Variants in MAN2A1 observed in about 807,000 individuals in gnomAD.
MAN2A1 encodes alpha-mannosidase 2.
Under a neutral mutation model 142.6 loss-of-function variants are expected in MAN2A1, and 76 were observed. The observed-to-expected ratio is 0.53, with a 90% CI of 0.44 to 0.65. The LOEUF is 0.65. Among genes scored for constraint, MAN2A1 ranks in the 30% least tolerant of loss-of-function variants. MAN2A1 has a pLI of 0.00. For missense variants in MAN2A1, 1,311 were observed against 1,365.1 expected, an observed-to-expected ratio of 0.96 and a Z score of 0.62; for synonymous variants, 559 against 473.2, an observed-to-expected ratio of 1.18 and a Z score of -2.35.
chr5:109,843,820 A>G (rs1404162310), intron 17 of MAN2A1, among the ~76,000 whole-genome samples: 1 of 152,206 alleles, frequency 6.6e-6, no homozygotes, highest in African/African-American at 2.4e-5. Context: ...TTGATAACAT[A>G]TCTTTGAAAT....
rs70999943 is a variant in MAN2A1 at position 109,811,573 on chromosome 5, CGTGTGTGTGTGTGTGT to C, written c.1944-5681_1944-5666del. ...GAAGATTGTTAATCTTCCTAACAGCCGTGTGTGTGTGTGTGTGTGTGTGTGTGTGTGTGTCTGTGTC... is the reference window on the plus strand; with the variant it reads ...GAAGATTGTTAATCTTCCTAACAGCCGTGTGTGTGTGTGTGTGTCTGTGTC... On this transcript the variant is annotated intron_variant, in intron 12 of 21. Coordinates refer to ENST00000261483, the MANE Select transcript of MAN2A1 (RefSeq NM_002372.4). Among the ~76,000 whole-genome samples, 257 of 145,012 alleles carry C rather than the reference CGTGTGTGTGTGTGTGT, an allele frequency of 1.8e-3. 1 individual carries two copies. Among genetic ancestry groups the C allele is most frequent in the African/African-American group, 6.2e-3 (243 of 39,192 alleles).
Position 109,819,839 on chromosome 5 carries a change from A to G in MAN2A1, c.2280A>G (p.Leu760=), listed in dbSNP as rs747272360. The G allele has an allele frequency of 1.9e-6, 3 of 1,608,788 alleles. No individual in the cohort carries two copies. The highest frequency in any genetic ancestry group is 2.7e-5 in the African/African-American group (2 of 74,684). ...NMINTEEGIT[L]ENSFVLLRFD... ...TAAATACTGAAGAAGGTATAACACTAGAGAACTCCTTTGTTTTACTTCGGT... is the reference window on the plus strand; with the variant it reads ...TAAATACTGAAGAAGGTATAACACTGGAGAACTCCTTTGTTTTACTTCGGT... The change falls in exon 14 of 22, where the codon CTA becomes CTG. Residue 760 remains leucine (L), a synonymous_variant. Transcript: ENST00000261483.
At chr5:109,779,008 GC>G (rs1753371182) in intron 8 of MAN2A1, among the ~76,000 whole-genome samples, 1 of 152,006 alleles carries the variant, frequency 6.6e-6, no homozygotes, top group Non-Finnish European at 1.5e-5. Flanking sequence ...TAAAGTTGTT[GC>G]CTTTTAATGT....
At chr5:109,716,301 A>G (rs761140085) in intron 3 of MAN2A1, 37 bp downstream of exon 3, 1 of 1,564,504 alleles carries the variant, frequency 6.4e-7, no homozygotes, top group Non-Finnish European at 8.7e-7. Flanking sequence ...GAGGTTATTA[A>G]GTTTCTTTAG....
At chr5:109,824,266 G>T (rs990011948) in intron 16 of MAN2A1, among the ~76,000 whole-genome samples, 6 of 152,124 alleles carry the variant, frequency 3.9e-5, no homozygotes, top group African/African-American at 1.4e-4. Context: ...TTCTAAGCTG[G>T]TTCTATTTGT....
chr5:109,745,289 A>G (rs955775598), intron 4 of MAN2A1, among the ~76,000 whole-genome samples: 2 of 152,340 alleles, frequency 1.3e-5, no homozygotes, highest in Middle Eastern at 3.4e-3. Context: ...AACATACAAT[A>G]CAATAAATAC....
intron 4 of MAN2A1, among the ~76,000 whole-genome samples, chr5:109,732,546 T>G (rs535760951): frequency 1.5e-3 from 235 of 152,004 alleles, no homozygotes; most frequent in African/African-American, 5.5e-3. Context: ...TGTATAAGGT[T>G]TAAGGAAGGG....
chr5:109,712,938 A>G (rs1393020273), intron 1 of MAN2A1, among the ~76,000 whole-genome samples: 2 of 152,212 alleles, frequency 1.3e-5, no homozygotes, highest in Non-Finnish European at 2.9e-5. Flanking sequence ...AATGAAAAAA[A>G]TTTAAGACAC....
At chr5:109,837,289 A>G (rs764286230) in intron 16 of MAN2A1, among the ~76,000 whole-genome samples, 73 of 151,840 alleles carry the variant, frequency 4.8e-4, no homozygotes, top group Middle Eastern at 3.4e-3. Flanking sequence ...GGGTTGTTTT[A>G]AAGAGTTTTT....
chr5:109,763,539 T>C (rs1752909634), intron 5 of MAN2A1, among the ~76,000 whole-genome samples: 1 of 151,724 alleles, frequency 6.6e-6, no homozygotes, highest in South Asian at 2.1e-4. Flanking sequence ...ATTATTATAC[T>C]TTAAGTTTTA....
Position 109,764,881 on chromosome 5 carries a change from T to C in MAN2A1, c.836-2654T>C, listed in dbSNP as rs555320005. Among the ~76,000 whole-genome samples the C allele has an allele frequency of 1.0e-3, 152 of 152,308 alleles. 1 individual carries two copies. Among genetic ancestry groups the C allele is most frequent in the Non-Finnish European group, 1.6e-3 (106 of 68,016 alleles). The stretch of plus-strand genomic sequence containing the variant: ...TAATTTTGATATAATTTTTAACTTA[T>C]AAGTGGCATCATAGTACTTGGGAAG... On this transcript the variant is annotated intron_variant, in intron 5 of 21. Transcript: ENST00000261483.
intron 1 of MAN2A1, 42 bp downstream of exon 1, chr5:109,690,594 G>C: frequency 1.3e-6 from 2 of 1,550,060 alleles, no homozygotes; most frequent in African/African-American, 1.4e-5. Context: ...GAGGGGCCAG[G>C]CGTGCGGGCC....
intron 12 of MAN2A1, among the ~76,000 whole-genome samples, chr5:109,813,360 G>T (rs1754369258): frequency 6.6e-6 from 1 of 152,206 alleles, no homozygotes. Context: ...ATCCTTATAT[G>T]CCTGGCCTGT....
In MAN2A1 at chr5:109,746,950, C is replaced by CT. The variant is rs199502459; in HGVS notation, c.708-8374dup. ...TGTAGCATGTATCAGAATTTCTTTC[C>CT]TTTTTAAGGCTACATGATATTCCCC... On this transcript the variant is annotated intron_variant, in intron 4 of 21. Coordinates refer to ENST00000261483, the MANE Select transcript of MAN2A1 (RefSeq NM_002372.4). 8.1e-3 allele frequency among the ~76,000 whole-genome samples: 1,226 copies of CT among 152,208 alleles called. 5 individuals carry two copies. The highest frequency in any genetic ancestry group is 0.014 in the Middle Eastern group (4 of 294).
In MAN2A1 at chr5:109,809,638, A is replaced by G. The variant is rs372656036; in HGVS notation, c.1944-7635A>G. Among the ~76,000 whole-genome samples, 16 of 152,196 alleles carry G rather than the reference A, an allele frequency of 1.1e-4. No individual in the cohort carries two copies. The East Asian group carries it at 1.5e-3, about 15-fold the overall frequency. ...GATGATCTTATTGTTGCTTCTTTGA[A>G]CAGTGTAATCTTATTTTTACTGGCT... On this transcript the variant is annotated intron_variant, in intron 12 of 21. Coordinates refer to ENST00000261483, the MANE Select transcript of MAN2A1 (RefSeq NM_002372.4).
At chr5:109,710,094 A>G (rs1409973128) in intron 1 of MAN2A1, among the ~76,000 whole-genome samples, 1 of 152,160 alleles carries the variant, frequency 6.6e-6, no homozygotes, top group Non-Finnish European at 1.5e-5. Context: ...TTTAAAAATG[A>G]TGTTCTTTAG....
intron 12 of MAN2A1, among the ~76,000 whole-genome samples, chr5:109,803,941 T>A (rs2112701191): frequency 1.3e-5 from 2 of 152,270 alleles, no homozygotes; most frequent in South Asian, 4.1e-4. Context: ...TACGTGAGAT[T>A]ACTTCAGTAG....
rs1368246616 is a variant in MAN2A1 at position 109,847,643 on chromosome 5, T to C, written c.2843-14T>C. The C allele has an allele frequency of 6.7e-7, 1 of 1,503,100 alleles. No individual in the cohort carries two copies. The highest frequency in any genetic ancestry group is 8.9e-7 in the Non-Finnish European group (1 of 1,124,622). The allele number at this position is 1,503,100 out of a possible 1,614,324, so 93.1% of individuals were successfully genotyped here. A position where few individuals can be genotyped will look rare whatever the true frequency, so the allele number is the denominator to read the frequency against. On this transcript the variant is annotated splice_polypyrimidine_tract_variant and intron_variant, in intron 18 of 21. Coordinates refer to ENST00000261483, the MANE Select transcript of MAN2A1 (RefSeq NM_002372.4). ...TTCTGGTCAGTTTTGCTTGTTTGTTTGTTTGTGTGTTAGGTCAGATTGAAG... is the reference window on the plus strand; with the variant it reads ...TTCTGGTCAGTTTTGCTTGTTTGTTCGTTTGTGTGTTAGGTCAGATTGAAG...
chr5:109,757,554 C>T (rs1752720726), intron 5 of MAN2A1, among the ~76,000 whole-genome samples: 1 of 152,102 alleles, frequency 6.6e-6, no homozygotes, highest in African/African-American at 2.4e-5. Flanking sequence ...GTCTTTTGCC[C>T]AGTGTAATTT....
Sources: allele counts gnomAD v4.1 joint callset (sites outside exome capture counted in the v4.1 genomes callset), GRCh38; gene constraint gnomAD v4.1.1; transcripts MANE v1.5; gene names NCBI Gene and HGNC (gene_info 2026-07-23, HGNC 2026-07-21).